Variants in SORCS2 observed in about 807,000 individuals in gnomAD.
SORCS2 encodes VPS10 domain-containing receptor SorCS2.
In SORCS2, 100 loss-of-function variants were observed where a neutral mutation model predicts 141.6. The ratio of observed to expected loss-of-function variants is 0.71; its 90% CI spans 0.60 to 0.83. The LOEUF is 0.83. SORCS2 is among the 40% of genes least tolerant of loss of function. The pLI is 0.00. For missense variants in SORCS2, 1,646 were observed against 1,560.2 expected, an observed-to-expected ratio of 1.05 and a Z score of -0.93; for synonymous variants, 789 against 676.9, an observed-to-expected ratio of 1.17 and a Z score of -2.57.
At chr4:7,375,370 A>G (rs886411234) in intron 1 of SORCS2, among the ~76,000 whole-genome samples, 3 of 152,244 alleles carry the variant, frequency 2.0e-5, no homozygotes, top group African/African-American at 7.2e-5. Flanking sequence ...GTCTCTGGGC[A>G]TGGAAACTCT....
chr4:7,608,380 T>C (rs1418144729), intron 3 of SORCS2, among the ~76,000 whole-genome samples: 1 of 152,206 alleles, frequency 6.6e-6, no homozygotes, highest in Non-Finnish European at 1.5e-5. Flanking sequence ...GCTACCTTGC[T>C]CATTACCGTG....
chr4:7,655,644 G>A (rs867366282), intron 5 of SORCS2, among the ~76,000 whole-genome samples: 12 of 152,334 alleles, frequency 7.9e-5, no homozygotes, highest in South Asian at 2.1e-4. Context: ...GATTGCCCAC[G>A]GGAGGGCCCG....
intron 1 of SORCS2, among the ~76,000 whole-genome samples, chr4:7,387,632 C>G (rs1042278902): frequency 8.8e-4 from 124 of 140,564 alleles, no homozygotes; most frequent in Middle Eastern, 3.8e-3. Context: ...CATTTGCACA[C>G]ACGCACACAC....
chr4:7,546,660 C>T (rs1713287187), intron 3 of SORCS2, among the ~76,000 whole-genome samples: 1 of 152,182 alleles, frequency 6.6e-6, no homozygotes, highest in African/African-American at 2.4e-5. Context: ...TGATGGTGGG[C>T]CCCTGCCTCC....
At chr4:7,496,447 A>ACCTGTTT (rs1731626177) in intron 2 of SORCS2, among the ~76,000 whole-genome samples, 4 of 59,932 alleles carry the variant, frequency 6.7e-5, no homozygotes, top group Non-Finnish European at 1.4e-4. Context: ...CCCACTCCCC[A>ACCTGTTT]CCCGTTCCCC....
intron 1 of SORCS2, among the ~76,000 whole-genome samples, chr4:7,388,017 G>A (rs1194405904): frequency 9.4e-6 from 1 of 106,102 alleles, no homozygotes. Context: ...CATGCATACA[G>A]ATACACAGAT....
chr4:7,376,229 T>C (rs1406390628), intron 1 of SORCS2, among the ~76,000 whole-genome samples: 1 of 150,804 alleles, frequency 6.6e-6, no homozygotes, highest in Non-Finnish European at 1.5e-5. Flanking sequence ...TGGTTGTAAA[T>C]ATAAAGCATG....
rs142302521 is a variant in SORCS2, at chr4:7,236,820, A to T, written c.480+43694A>T. Among the ~76,000 whole-genome samples, 1,157 of 152,316 alleles carry T rather than the reference A, an allele frequency of 7.6e-3. 18 individuals are homozygous for T. The highest frequency in any genetic ancestry group is 0.026 in the African/African-American group (1,081 of 41,566). ...GGTCTCGAACTCCTCACCTCAGGTGATCTGCCCACTTCGGCCTCCCAAAGT... is the reference window on the plus strand; with the variant it reads ...GGTCTCGAACTCCTCACCTCAGGTGTTCTGCCCACTTCGGCCTCCCAAAGT... On this transcript the variant is annotated intron_variant, in intron 1 of 26. Transcript: ENST00000507866.
chr4:7,445,188 G>A (rs936706694), intron 2 of SORCS2, among the ~76,000 whole-genome samples: 2 of 152,352 alleles, frequency 1.3e-5, no homozygotes, highest in East Asian at 3.9e-4. Context: ...GTGAGGGTGA[G>A]AGTCTCTGGG....
At chr4:7,418,507 G>A (rs909314693) in intron 2 of SORCS2, among the ~76,000 whole-genome samples, 1 of 152,338 alleles carries the variant, frequency 6.6e-6, no homozygotes, top group African/African-American at 2.4e-5. Flanking sequence ...GCGAGGTGGA[G>A]TTGGCAGGGC....
chr4:7,555,946 T>C (rs1714072545), intron 3 of SORCS2, among the ~76,000 whole-genome samples: 1 of 152,236 alleles, frequency 6.6e-6, no homozygotes, highest in Non-Finnish European at 1.5e-5. Flanking sequence ...AAGTGCCCAC[T>C]AGTCCAGCAC....
chr4:7,657,883 T>G (rs1721897955), intron 5 of SORCS2, among the ~76,000 whole-genome samples: 2 of 150,570 alleles, frequency 1.3e-5, no homozygotes, highest in African/African-American at 2.5e-5. Flanking sequence ...AGTCACTGAG[T>G]GAATGAGTGA....
chr4:7,523,040 T>C (rs1314048324), intron 2 of SORCS2, among the ~76,000 whole-genome samples: 7 of 131,762 alleles, frequency 5.3e-5, no homozygotes, highest in Non-Finnish European at 9.6e-5. Context: ...CTTCCCTCCC[T>C]CCTCCCTCCT....
chr4:7,245,238 T>C (rs1242972385), intron 1 of SORCS2, among the ~76,000 whole-genome samples: 1 of 152,158 alleles, frequency 6.6e-6, no homozygotes, highest in Non-Finnish European at 1.5e-5. Flanking sequence ...ACAGGGTCTC[T>C]TTGGGTAGAA....
At chr4:7,370,223 G>C (rs80321050) in intron 1 of SORCS2, among the ~76,000 whole-genome samples, 5,692 of 152,290 alleles carry the variant, frequency 0.037, 260 homozygotes, top group African/African-American at 0.1. Flanking sequence ...AGGCGCTTGG[G>C]CTCCCTGACC....
intron 1 of SORCS2, among the ~76,000 whole-genome samples, chr4:7,293,196 C>T (rs1025020415): frequency 3.3e-5 from 5 of 151,760 alleles, no homozygotes; most frequent in South Asian, 2.1e-4. Context: ...CCCAGCTACT[C>T]GGGAGGCTAA....
At chr4:7,251,308 GTCA>G (rs1306190584) in intron 1 of SORCS2, among the ~76,000 whole-genome samples, 6 of 152,264 alleles carry the variant, frequency 3.9e-5, no homozygotes, top group South Asian at 2.1e-4. Flanking sequence ...GTAGTAAGGA[GTCA>G]TCATAAAATT....
chr4:7,325,908 G>C (rs914355625), intron 1 of SORCS2, among the ~76,000 whole-genome samples: 1 of 152,164 alleles, frequency 6.6e-6, no homozygotes, highest in Non-Finnish European at 1.5e-5. Context: ...GGCGGAGTTG[G>C]GGGGTTGGTA....
At chr4:7,460,478 C>T (rs991786835) in intron 2 of SORCS2, among the ~76,000 whole-genome samples, 2 of 152,224 alleles carry the variant, frequency 1.3e-5, no homozygotes, top group Admixed American at 6.5e-5. Context: ...TGAATTCCAA[C>T]GTACCCCCAC....
Sources: allele counts gnomAD v4.1 joint callset (sites outside exome capture counted in the v4.1 genomes callset), GRCh38; gene constraint gnomAD v4.1.1; transcripts MANE v1.5; gene names NCBI Gene and HGNC (gene_info 2026-07-23, HGNC 2026-07-21).